CCDC186: variants seen among roughly 807,000 people sequenced by gnomAD.
CCDC186 encodes the protein coiled-coil domain-containing protein 186.
A neutral mutation model predicts 113.7 loss-of-function variants in CCDC186; 49 were observed. The observed-to-expected ratio is 0.43, with a 90% CI of 0.34 to 0.55. The LOEUF (loss-of-function observed/expected upper bound fraction) is 0.55. CCDC186 is among the 20% of genes least tolerant of loss of function. The pLI, the probability that CCDC186 is intolerant of heterozygous loss-of-function variation, is 0.02. For missense variants in CCDC186, 890 were observed against 1,011.1 expected (o/e 0.88, Z 1.62); for synonymous variants, 355 against 345.8 (o/e 1.03, Z -0.30).
At chr10:114,160,285 A>AT (rs55963578) in intron 2 of CCDC186, among the ~76,000 whole-genome samples, 4 of 151,802 alleles carry the variant, frequency 2.6e-5, no homozygotes, top group Non-Finnish European at 5.9e-5. Context: ...AAAAAAAAAA[A>AT]TTTGGTTGGA....
At chr10:114,170,538 A>T (rs2032462491) in intron 1 of CCDC186, among the ~76,000 whole-genome samples, 1 of 152,082 alleles carries the variant, frequency 6.6e-6, no homozygotes, top group Admixed American at 6.5e-5. Context: ...GCCCAGGGTG[A>T]TCTCAAACTA....
intron 4 of CCDC186, among the ~76,000 whole-genome samples, chr10:114,148,890 A>C (rs1009104857): frequency 3.9e-5 from 6 of 152,268 alleles, no homozygotes; most frequent in Admixed American, 2.6e-4. Flanking sequence ...ATTAAAAAGC[A>C]GGTGAATGTG....
rs529239825 is a variant in CCDC186 at position 114,173,591 on chromosome 10, A to G, written c.-62+424T>C. 2.6e-5 allele frequency among the ~76,000 whole-genome samples: 4 copies of G among 152,362 alleles called. No homozygotes were observed. The East Asian group carries it at 7.7e-4, about 29-fold the overall frequency. ...GTAACAAGTCTTCACAACAGTAAAT[A>G]TAAAACACCCACATACAGTCAACTT... On this transcript the variant is annotated intron_variant, in intron 1 of 15. Coordinates refer to ENST00000369287, the MANE Select transcript of CCDC186 (RefSeq NM_018017.4).
chr10:114,146,621 T>C (rs1172748138), intron 4 of CCDC186, among the ~76,000 whole-genome samples: 2 of 152,260 alleles, frequency 1.3e-5, no homozygotes, highest in African/African-American at 4.8e-5. Context: ...TGGTACTCCA[T>C]ATTCTGAAAT....
rs772411900 is a variant in CCDC186 at position 114,163,215 on chromosome 10, T to C, written c.54A>G (p.Lys18=). The C allele has an allele frequency of 3.7e-6, 6 of 1,613,692 alleles. No homozygotes were observed. Among genetic ancestry groups the C allele is most frequent in the Non-Finnish European group, 3.4e-6 (4 of 1,180,002 alleles). ...ATGAGTCTTCCTTTAATTCAGGTGT[T>C]TTCCCAACATTTTTATCAGAGGAAG... ...ASTSSDKNVG[K]TPELKEDSCN... Residue 18 remains lysine (K), a synonymous_variant, in exon 2 of 16, where the codon AAA becomes AAG. Transcript: ENST00000369287.
intron 3 of CCDC186, among the ~76,000 whole-genome samples, chr10:114,156,317 T>C (rs1345753910): frequency 5.9e-5 from 9 of 152,254 alleles, no homozygotes; most frequent in Non-Finnish European, 1.5e-5. Flanking sequence ...GCTAGAATGC[T>C]TCTAATCCTG....
In CCDC186 at chr10:114,151,282, CAAAT is replaced by C. The variant is rs571231332; in HGVS notation, c.760-66_760-63del. 285 of 1,136,852 alleles carry C rather than the reference CAAAT, an allele frequency of 2.5e-4. 4 individuals carry two copies. The South Asian group carries it at 4.1e-3, about 16-fold the overall frequency. The allele number at this position is 1,136,852 out of a possible 1,614,324, so 70.4% of individuals were successfully genotyped here. ...TATACCAAATACACCACCAATACTG[CAAAT>C]AAATATAAACAAAGTAAATAAACAT... On this transcript the variant is annotated intron_variant, in intron 3 of 15. Transcript: ENST00000369287.
At chr10:114,164,027 G>C (rs1392685235) in intron 1 of CCDC186, among the ~76,000 whole-genome samples, 6 of 144,312 alleles carry the variant, frequency 4.2e-5, no homozygotes, top group African/African-American at 1.5e-4. Context: ...GCACTGCCTA[G>C]GTCAATAAAA....
chr10:114,127,363 A>G lies in CCDC186; in HGVS notation c.2393+98T>C, dbSNP rs2030939578. ...CTGAATAACTATAATTATTTTTTGA[A>G]AGATAGGTTCTTGATATGACTAATT... On this transcript the variant is annotated intron_variant, in intron 14 of 15. Coordinates refer to ENST00000369287, the MANE Select transcript of CCDC186 (RefSeq NM_018017.4). The G allele has an allele frequency of 3.7e-6, 4 of 1,088,596 alleles. No individual in the cohort carries two copies. The African/African-American group carries it at 6.4e-5, about 17-fold the overall frequency. 67.4% of individuals were successfully genotyped at this position (1,088,596 alleles called of 1,614,324 possible).
chr10:114,125,016 G>A lies in CCDC186; in HGVS notation c.*127C>T, dbSNP rs1301861115. 6.4e-6 allele frequency: 4 copies of A among 628,386 alleles called. No individual in the cohort carries two copies. The highest frequency in any genetic ancestry group is 1.1e-5 in the Non-Finnish European group (4 of 365,762). The allele number at this position is 628,386 out of a possible 1,614,324, so 38.9% of individuals were successfully genotyped here. ...ATATTGTAAAAGGGTATTTTTTTGT[G>A]TACAGATGAAGCAAAACAATATTTT... On this transcript the variant is annotated 3_prime_UTR_variant, in exon 16 of 16. Transcript: ENST00000369287.
In CCDC186 at chr10:114,136,148, C is replaced by T; in HGVS notation, c.1425G>A (p.Glu475=). 1 of 1,610,720 alleles carries T rather than the reference C, an allele frequency of 6.2e-7. No homozygotes were observed. Among genetic ancestry groups the T allele is most frequent in the Non-Finnish European group, 8.5e-7 (1 of 1,177,620 alleles). The change falls in exon 8 of 16, where the codon GAG becomes GAA. Residue 475 remains glutamate, a splice_region_variant and synonymous_variant. Transcript: ENST00000369287. The part of the protein sequence containing the change: ...KQMQEKSDQL[E]MHHAKIKELE... Reference sequence around the variant, plus strand: ...ATATATAAAGAGCAAAACTACTCACCTCTAGCTGGTCAGATTTTTCTTGCA... The same window carrying T: ...ATATATAAAGAGCAAAACTACTCACTTCTAGCTGGTCAGATTTTTCTTGCA...
intron 11 of CCDC186, 41 bp from the exon 12 acceptor site, chr10:114,131,377 T>C: frequency 6.8e-7 from 1 of 1,469,806 alleles, no homozygotes; most frequent in Non-Finnish European, 9.1e-7. Flanking sequence ...TTTTAGTATG[T>C]TTGTTTCCAT....
intron 2 of CCDC186, among the ~76,000 whole-genome samples, chr10:114,159,049 T>C (rs2032089419): frequency 6.6e-6 from 1 of 152,206 alleles, no homozygotes; most frequent in Non-Finnish European, 1.5e-5. Context: ...GAGAGTGACT[T>C]GAGCTGCTAT....
intron 1 of CCDC186, chr10:114,168,263 G>A (rs2032392264): frequency 6.6e-6 from 1 of 152,108 alleles, no homozygotes; most frequent in Non-Finnish European, 1.5e-5. Context: ...TAGGCAACTG[G>A]TCAAGAAACA....
rs570005410 is a variant in CCDC186 at position 114,130,409 on chromosome 10, G to A, written c.2102-438C>T. ...ACCCTATTTTAACACAAATAAAGCC[G>A]TGAGAAATAGTAGAGAATAGGAGGT... On this transcript the variant is annotated intron_variant, in intron 12 of 15. Coordinates refer to ENST00000369287, the MANE Select transcript of CCDC186 (RefSeq NM_018017.4). 2.8e-4 allele frequency: 44 copies of A among 155,390 alleles called. 1 individual carries two copies. In the South Asian group the frequency reaches 3.7e-3, roughly 13 times the overall value. 9.6% of individuals were successfully genotyped at this position (155,390 alleles called of 1,614,324 possible).
chr10:114,152,785 A>G (rs563570176), intron 3 of CCDC186, among the ~76,000 whole-genome samples: 2 of 152,318 alleles, frequency 1.3e-5, no homozygotes, highest in East Asian at 3.9e-4. Flanking sequence ...TAAACTGAAA[A>G]GAGTGGAAAA....
chr10:114,164,428 T>C (rs2032276538), intron 1 of CCDC186, among the ~76,000 whole-genome samples: 1 of 152,042 alleles, frequency 6.6e-6, no homozygotes, highest in East Asian at 1.9e-4. Flanking sequence ...CGGCATAGGA[T>C]AGATTTTTAT....
intron 6 of CCDC186, among the ~76,000 whole-genome samples, chr10:114,140,231 G>C (rs1326140132): frequency 6.6e-6 from 1 of 152,218 alleles, no homozygotes; most frequent in Non-Finnish European, 1.5e-5. Flanking sequence ...TGAAAGTTTG[G>C]AGAGATGAAA....
intron 4 of CCDC186, among the ~76,000 whole-genome samples, chr10:114,149,884 C>G (rs2031794445): frequency 1.4e-5 from 2 of 144,062 alleles, no homozygotes; most frequent in African/African-American, 5.0e-5. Context: ...CAGGTTGGCT[C>G]ACCAGGTGAT....
Sources: allele counts gnomAD v4.1 joint callset (sites outside exome capture counted in the v4.1 genomes callset), GRCh38; gene constraint gnomAD v4.1.1; transcripts MANE v1.5; gene names NCBI Gene and HGNC (gene_info 2026-07-23, HGNC 2026-07-21).